Variants in TEX15 observed in about 807,000 individuals in gnomAD.
The protein encoded by TEX15 is testis-expressed protein 15.
TEX15 carries 171 observed loss-of-function variants against 237.3 expected under a neutral mutation model. The ratio of observed to expected loss-of-function variants is 0.72; its 90% confidence interval spans 0.64 to 0.82. The LOEUF is 0.82. TEX15 is among the 40% of genes least tolerant of loss of function. The probability of loss-of-function intolerance (pLI) is 0.00; values close to 1 mark genes in which losing one functional copy is unlikely to be tolerated. For synonymous variants in TEX15, 1,338 were observed against 1,269.8 expected, an observed-to-expected ratio of 1.05 and a Z score of -1.14; for missense variants, 3,750 against 3,646.5, an observed-to-expected ratio of 1.03 and a Z score of -0.73.
intron 2 of TEX15, among the ~76,000 whole-genome samples, chr8:30,889,907 T>A (rs1485212025): frequency 8.1e-6 from 1 of 123,376 alleles, no homozygotes; most frequent in African/African-American, 3.4e-5. Context: ...CTACAATGAT[T>A]ATATATATTT....
chr8:30,904,441 C>T (rs1037798885), intron 1 of TEX15, among the ~76,000 whole-genome samples: 74 of 121,536 alleles, frequency 6.1e-4, no homozygotes, highest in Non-Finnish European at 9.1e-4. Flanking sequence ...AGTGAGACTC[C>T]GTCTCAAAAA....
intron 7 of TEX15, among the ~76,000 whole-genome samples, chr8:30,851,100 C>G (rs1403353303): frequency 6.6e-6 from 1 of 152,076 alleles, no homozygotes; most frequent in Admixed American, 6.5e-5. Flanking sequence ...TCATTCAAAG[C>G]AAACCCATTC....
In TEX15 at chr8:30,846,048, G is replaced by T. The variant is rs1486837152; in HGVS notation, c.4119C>A (p.Ser1373Arg). ...TGTCTAGTTTTCTGGAAAGACATTT[G>T]CTTTTACATAAAGATGCTTCATCAC... ...ILSDEASLCK[S>R]KCLSRKLDKA... The change falls in exon 8 of 11, where the codon AGC becomes AGA. Residue 1373 changes from serine to arginine, a missense_variant. Transcript: ENST00000643185. The T allele has an allele frequency of 5.6e-6, 9 of 1,613,052 alleles. No homozygotes were observed. Among genetic ancestry groups the T allele is most frequent in the Non-Finnish European group, 2.5e-6 (3 of 1,179,554 alleles).
chr8:30,835,816 T>C (rs957820350), intron 10 of TEX15, among the ~76,000 whole-genome samples: 1 of 152,218 alleles, frequency 6.6e-6, no homozygotes, highest in African/African-American at 2.4e-5. Flanking sequence ...AACAATTTCA[T>C]GTTACAGAGC....
At chr8:30,908,969 T>TCA (rs573878825) in intron 1 of TEX15, among the ~76,000 whole-genome samples, 123 of 152,304 alleles carry the variant, frequency 8.1e-4, no homozygotes, top group Admixed American at 1.4e-3. Context: ...ATATTCTTTC[T>TCA]CACACACACC....
chr8:30,887,370 C>A, intron 2 of TEX15, 59 bp from the exon 3 acceptor site: 2 of 1,333,098 alleles, frequency 1.5e-6, no homozygotes, highest in Non-Finnish European at 2.0e-6. Flanking sequence ...AAGGCAATGG[C>A]AGTACAATCA....
rs1443352886 is a variant in TEX15, at chr8:30,844,669, C to T, written c.5498G>A (p.Cys1833Tyr). Residue 1833 changes from cysteine (C) to tyrosine (Y), a missense_variant, in exon 8 of 11, where the codon TGT becomes TAT. Cys to Tyr is a radical substitution (Grantham distance 194, BLOSUM62 -2). Transcript: ENST00000643185. ...GTCCTCAGTGTCTTTCTTCACAATACATGTTTCTGAAGAGGAGCCTTTTAC... is the reference window on the plus strand; with the variant it reads ...GTCCTCAGTGTCTTTCTTCACAATATATGTTTCTGAAGAGGAGCCTTTTAC... ...DNVKGSSSET[C>Y]IVKKDTEDRI... The T allele has an allele frequency of 6.2e-7, 1 of 1,613,154 alleles. No homozygotes were observed. Among genetic ancestry groups the T allele is most frequent in the African/African-American group, 1.3e-5 (1 of 74,886 alleles).
chr8:30,861,626 T>C (rs770954395), intron 5 of TEX15, among the ~76,000 whole-genome samples: 3 of 152,174 alleles, frequency 2.0e-5, no homozygotes, highest in Non-Finnish European at 4.4e-5. Context: ...GCCATATTTA[T>C]GTAAAATGTT....
intron 4 of TEX15, 79 bp downstream of exon 4, chr8:30,874,857 TG>T: frequency 1.2e-6 from 1 of 822,530 alleles, no homozygotes; most frequent in Non-Finnish European, 1.6e-6. Flanking sequence ...AAATCTCATA[TG>T]GTAGAAATGA....
At chr8:30,872,045 T>C (rs532119498) in intron 4 of TEX15, among the ~76,000 whole-genome samples, 2 of 152,250 alleles carry the variant, frequency 1.3e-5, no homozygotes, top group South Asian at 4.1e-4. Context: ...CTAGTAACTA[T>C]AGCAGGAGAT....
At chr8:30,889,938 TATATATATATATATAC>T (rs1808753611) in intron 2 of TEX15, among the ~76,000 whole-genome samples, 1 of 128,156 alleles carries the variant, frequency 7.8e-6, no homozygotes, top group African/African-American at 3.6e-5. Flanking sequence ...TATATACATA[TATATATATATATATAC>T]ATATATATAT....
chr8:30,889,885 T>G (rs930712154), intron 2 of TEX15, among the ~76,000 whole-genome samples: 1 of 145,222 alleles, frequency 6.9e-6, no homozygotes, highest in African/African-American at 2.6e-5. Flanking sequence ...AATTATATCA[T>G]ATGAAATAGT....
At chr8:30,855,629 T>G (rs1194232442) in intron 7 of TEX15, among the ~76,000 whole-genome samples, 1 of 152,148 alleles carries the variant, frequency 6.6e-6, no homozygotes, top group African/African-American at 2.4e-5. Context: ...TATATCCATG[T>G]AAAAACTTGT....
At position 30,847,420 on chromosome 8, in the gene TEX15, T is replaced by A; in HGVS notation, c.2747A>T (p.Glu916Val). 1.9e-6 allele frequency: 3 copies of A among 1,611,664 alleles called. No homozygotes were observed. The highest frequency in any genetic ancestry group is 2.7e-5 in the African/African-American group (2 of 74,864). ...CAAGTTAAATTTAGTAGAAAATTCT[T>A]CAGAACTCAAAATTTCTATATTGTG... ...NYHNIEILSS[E>V]EFSTKFNLIC... Residue 916 changes from glutamate (E) to valine (V), a missense_variant, in exon 8 of 11, where the codon GAA becomes GTA. Transcript: ENST00000643185.
At chr8:30,897,876 C>T (rs1808935469) in intron 2 of TEX15, among the ~76,000 whole-genome samples, 1 of 152,078 alleles carries the variant, frequency 6.6e-6, no homozygotes, top group Non-Finnish European at 1.5e-5. Flanking sequence ...GTTGCCCAGG[C>T]TGGTCTCAAA....
intron 7 of TEX15, among the ~76,000 whole-genome samples, chr8:30,853,577 T>C (rs142677363): frequency 0.012 from 1,853 of 152,242 alleles, 21 homozygotes; most frequent in Non-Finnish European, 0.021. Flanking sequence ...TAATTTAAAG[T>C]ATATGGGAGG....
Position 30,847,524 on chromosome 8 carries a change from G to T in TEX15, c.2643C>A (p.Asn881Lys). ...AATCCTGCTTTTTGTCTCCATATATGTTCTCTATGTTGTTTTCTACACATG... is the reference window on the plus strand; with the variant it reads ...AATCCTGCTTTTTGTCTCCATATATTTTCTCTATGTTGTTTTCTACACATG... ...SASCVENNIE[N>K]IYGDKKQDSH... is the part of the protein sequence containing the mutation. The change falls in exon 8 of 11, where the codon AAC becomes AAA. Residue 881 changes from asparagine to lysine, a missense_variant. Transcript: ENST00000643185. The T allele has an allele frequency of 6.2e-7, 1 of 1,613,138 alleles. No homozygotes were observed. Among genetic ancestry groups the T allele is most frequent in the Non-Finnish European group, 8.5e-7 (1 of 1,179,798 alleles).
rs1212010322 is a variant in TEX15, at chr8:30,846,055, C to A, written c.4112G>T (p.Cys1371Phe). 6.2e-7 allele frequency: 1 copy of A among 1,613,338 alleles called. No homozygotes were observed. The highest frequency in any genetic ancestry group is 1.3e-5 in the African/African-American group (1 of 75,012). Reference protein sequence around the residue: ...LNILSDEASLCKSKCLSRKLD... With the variant: ...LNILSDEASLFKSKCLSRKLD... ...TTTTCTGGAAAGACATTTGCTTTTA[C>A]ATAAAGATGCTTCATCACTTAGGAT... Residue 1371 changes from cysteine (C) to phenylalanine (F), a missense_variant, in exon 8 of 11, where the codon TGT (cysteine) becomes TTT (phenylalanine). Coordinates refer to ENST00000643185, the MANE Select transcript of TEX15 (RefSeq NM_001350162.2).
chr8:30,887,876 CACATATATATTTCAT>C (rs1808690355), intron 2 of TEX15: 1 of 133,212 alleles, frequency 7.5e-6, no homozygotes, highest in Non-Finnish European at 1.6e-5. Context: ...ATATATATTT[CACATATATATTTCAT>C]ATATATATAT....
Sources: gnomAD v4.1 joint callset for allele counts (sites outside exome capture counted in the v4.1 genomes callset) on GRCh38, gnomAD v4.1.1 for gene constraint, MANE v1.5 for transcripts, NCBI Gene and HGNC (gene_info 2026-07-23, HGNC 2026-07-21) for gene names.